The following ARFGEF3 variants were observed in gnomAD, a reference collection of about 807,000 sequenced individuals.
The protein encoded by ARFGEF3 is brefeldin A-inhibited guanine nucleotide-exchange protein 3.
ARFGEF3 carries 96 observed loss-of-function variants against 221.7 expected under a neutral mutation model. That is an observed-to-expected ratio of 0.43 (90% CI 0.37 to 0.51). The LOEUF (loss-of-function observed/expected upper bound fraction) is 0.51. ARFGEF3 is among the 20% of genes least tolerant of loss of function. The probability of loss-of-function intolerance (pLI) is 0.00; values close to 1 mark genes in which losing one functional copy is unlikely to be tolerated. For synonymous variants in ARFGEF3, 1,145 were observed against 1,126.8 expected (o/e 1.02, Z -0.32); for missense variants, 2,410 against 2,789.9 (o/e 0.86, Z 3.07).
intron 2 of ARFGEF3, among the ~76,000 whole-genome samples, chr6:138,195,434 A>G (rs931467694): frequency 4.6e-5 from 7 of 152,166 alleles, no homozygotes; most frequent in Non-Finnish European, 8.8e-5. Flanking sequence ...GTTCTTTCCA[A>G]TCTCTCCCCC....
chr6:138,255,861 A>AAC, intron 10 of ARFGEF3, 92 bp downstream of exon 10: 2 of 1,051,390 alleles, frequency 1.9e-6, no homozygotes, highest in Non-Finnish European at 2.7e-6. Context: ...CTTGCCAATC[A>AAC]CTTGCCGGAA....
chr6:138,248,364 G>A (rs1001461788), intron 8 of ARFGEF3, among the ~76,000 whole-genome samples: 3 of 152,114 alleles, frequency 2.0e-5, no homozygotes, highest in African/African-American at 7.2e-5. Flanking sequence ...TCCAGCTGTC[G>A]GGGGTGCTTC....
intron 4 of ARFGEF3, among the ~76,000 whole-genome samples, chr6:138,222,031 CTTG>C (rs1777991775): frequency 6.6e-6 from 1 of 152,168 alleles, no homozygotes; most frequent in Non-Finnish European, 1.5e-5. Flanking sequence ...AGCCCAGCTA[CTTG>C]TTGTGACCTC....
intron 30 of ARFGEF3, 24 bp from the exon 31 acceptor site, chr6:138,323,999 T>A: frequency 6.2e-7 from 1 of 1,608,732 alleles, no homozygotes; most frequent in South Asian, 1.1e-5. Flanking sequence ...ATGCATTCAG[T>A]GAGCATCTGC....
intron 8 of ARFGEF3, among the ~76,000 whole-genome samples, chr6:138,248,316 A>G (rs1583030961): frequency 1.3e-5 from 2 of 152,272 alleles, no homozygotes; most frequent in South Asian, 2.1e-4. Context: ...TGTGTTCACC[A>G]GGGGACACCA....
intron 12 of ARFGEF3, among the ~76,000 whole-genome samples, chr6:138,272,711 T>C (rs1448148024): frequency 6.6e-6 from 1 of 152,220 alleles, no homozygotes; most frequent in Non-Finnish European, 1.5e-5. Context: ...AATCTGTGAC[T>C]AAGCAAAGTT....
intron 12 of ARFGEF3, among the ~76,000 whole-genome samples, chr6:138,275,268 T>C (rs959605514): frequency 2.6e-5 from 4 of 152,192 alleles, no homozygotes; most frequent in Admixed American, 1.3e-4. Context: ...GCAGAGGTAA[T>C]GCCCACTCTT....
intron 12 of ARFGEF3, among the ~76,000 whole-genome samples, chr6:138,270,789 G>A (rs1778989845): frequency 6.6e-6 from 1 of 152,184 alleles, no homozygotes; most frequent in Non-Finnish European, 1.5e-5. Context: ...AATTGATTGA[G>A]TGTTACTGTA....
rs1780330986 is a variant in ARFGEF3 at position 138,336,616 on chromosome 6, CT to C, written c.*131del. On this transcript the variant is annotated 3_prime_UTR_variant, in exon 34 of 34. Transcript: ENST00000251691. Reference sequence around the variant, plus strand: ...CTACTGTCTCAGAGAACAGTGTTTCCTAATGTAAAAAGCCTTTCCAACCACT... The same window carrying C: ...CTACTGTCTCAGAGAACAGTGTTTCCAATGTAAAAAGCCTTTCCAACCACT... The C allele has an allele frequency of 2.7e-6, 2 of 734,436 alleles. No individual in the cohort carries two copies. Among genetic ancestry groups the C allele is most frequent in the East Asian group, 6.2e-5 (2 of 32,228 alleles). 45.5% of individuals were successfully genotyped at this position (734,436 alleles called of 1,614,324 possible).
chr6:138,255,397 C>T (rs756718190), intron 9 of ARFGEF3, 39 bp from the exon 10 acceptor site: 2 of 1,455,312 alleles, frequency 1.4e-6, no homozygotes, highest in East Asian at 2.3e-5. Context: ...TATCATTTGG[C>T]TCGTGGGGAA....
chr6:138,297,604 C>A (rs1562383765), intron 21 of ARFGEF3, among the ~76,000 whole-genome samples: 5 of 152,194 alleles, frequency 3.3e-5, no homozygotes, highest in African/African-American at 9.7e-5. Flanking sequence ...TAAAATATTT[C>A]TTGGAACTTA....
In ARFGEF3 at chr6:138,344,031, T is replaced by C. The variant is rs1400681031; in HGVS notation, c.*7545T>C. 6.6e-6 allele frequency: 1 copy of C among 152,178 alleles called. No individual in the cohort carries two copies. The highest frequency in any genetic ancestry group is 6.5e-5 in the Admixed American group (1 of 15,272). 9.4% of individuals were successfully genotyped at this position (152,178 alleles called of 1,614,324 possible). On this transcript the variant is annotated 3_prime_UTR_variant, in exon 34 of 34. Transcript: ENST00000251691. ...TTGCCCTAATCATGCTAAGAGACTA[T>C]TATTCAATATGCTTTTCCCGCTTTT...
At chr6:138,171,672 C>A (rs746587503) in intron 2 of ARFGEF3, among the ~76,000 whole-genome samples, 1 of 152,158 alleles carries the variant, frequency 6.6e-6, no homozygotes, top group African/African-American at 2.4e-5. Flanking sequence ...CCACTGATAA[C>A]AGTTTAATAG....
In ARFGEF3 at chr6:138,261,750, CTATT is replaced by C. The variant is rs1282766579; in HGVS notation, c.1217+114_1217+117del. The C allele has an allele frequency of 1.5e-5, 7 of 478,134 alleles. No homozygotes were observed. The East Asian group carries it at 1.9e-4, about 13-fold the overall frequency. The allele number at this position is 478,134 out of a possible 1,614,324, so 29.6% of individuals were successfully genotyped here. ...AAATTCTACATTATATGAAATGTGT[CTATT>C]TAATAATTTACCCACAAGCTACATG... On this transcript the variant is annotated intron_variant, in intron 11 of 33. Transcript: ENST00000251691.
rs368080105 is a variant in ARFGEF3, at chr6:138,185,514, T to C, written c.137+14801T>C. 1.9e-3 allele frequency among the ~76,000 whole-genome samples: 293 copies of C among 152,340 alleles called. 1 individual carries two copies. The highest frequency in any genetic ancestry group is 6.8e-3 in the African/African-American group (281 of 41,586). The stretch of plus-strand genomic sequence containing the variant: ...TGCCATAACCAATCTGAAGAGCTGC[T>C]GGTAGGATTCTTTTCTTCATGTCTG... On this transcript the variant is annotated intron_variant, in intron 2 of 33. Transcript: ENST00000251691.
In ARFGEF3 at chr6:138,344,050, C is replaced by G. The variant is rs937991157; in HGVS notation, c.*7564C>G. ...AGACTATTATTCAATATGCTTTTCC[C>G]GCTTTTCTAAGAGGAATAAACTTAG... On this transcript the variant is annotated 3_prime_UTR_variant, in exon 34 of 34. Transcript: ENST00000251691. 6.6e-6 allele frequency: 1 copy of G among 152,078 alleles called. No individual in the cohort carries two copies. The highest frequency in any genetic ancestry group is 1.5e-5 in the Non-Finnish European group (1 of 68,016). The allele number at this position is 152,078 out of a possible 1,614,324, so 9.4% of individuals were successfully genotyped here.
chr6:138,322,619 A>G (rs972984449), intron 29 of ARFGEF3, among the ~76,000 whole-genome samples: 9 of 151,936 alleles, frequency 5.9e-5, no homozygotes, highest in African/African-American at 2.2e-4. Context: ...ATATGATGAA[A>G]CCCTGTCTCT....
intron 32 of ARFGEF3, among the ~76,000 whole-genome samples, chr6:138,330,954 A>G (rs2114694473): frequency 6.6e-6 from 1 of 152,334 alleles, no homozygotes; most frequent in African/African-American, 2.4e-5. Flanking sequence ...TATATACCAA[A>G]GATTGTGCAA....
At chr6:138,218,147 G>C in intron 4 of ARFGEF3, 3 of 1,613,946 alleles carry the variant, frequency 1.9e-6, no homozygotes, top group Non-Finnish European at 2.5e-6. Context: ...GTGTCTGCAA[G>C]GGTGTGAGAA....
Sources: allele counts gnomAD v4.1 joint callset (sites outside exome capture counted in the v4.1 genomes callset), GRCh38; gene constraint gnomAD v4.1.1; transcripts MANE v1.5; gene names NCBI Gene and HGNC (gene_info 2026-07-23, HGNC 2026-07-21).